PCDHA2: variants seen among roughly 807,000 people sequenced by gnomAD.
PCDHA2 encodes the protein protocadherin alpha-2.
In PCDHA2, 58 loss-of-function variants were observed where a neutral mutation model predicts 66.0. The ratio of observed to expected loss-of-function variants is 0.88; its 90% CI spans 0.71 to 1.09. The LOEUF is 1.09. Among genes scored for constraint, PCDHA2 ranks in the 50% least tolerant of loss-of-function variants. PCDHA2 has a pLI of 0.00. For synonymous variants in PCDHA2, 634 were observed against 554.0 expected, an observed-to-expected ratio of 1.14 and a Z score of -2.03; for missense variants, 1,267 against 1,242.3, an observed-to-expected ratio of 1.02 and a Z score of -0.30.
intron 1 of PCDHA2, chr5:140,811,408 T>C (rs1764861885): frequency 6.6e-6 from 1 of 152,244 alleles, no homozygotes; most frequent in Non-Finnish European, 1.5e-5. Context: ...CGGTCTATCA[T>C]TGATGGACAT....
At chr5:140,858,849 A>G (rs2045624236) in intron 1 of PCDHA2, 2 of 285,640 alleles carry the variant, frequency 7.0e-6, no homozygotes, top group Admixed American at 5.1e-5. Context: ...CCACTGATCT[A>G]TATCTCTTCA....
intron 1 of PCDHA2, chr5:140,801,298 C>T (rs782102566): frequency 6.2e-7 from 1 of 1,613,480 alleles, no homozygotes; most frequent in East Asian, 2.2e-5. Context: ...CTCCACTACT[C>T]CGTCTCTGAG....
intron 1 of PCDHA2, chr5:140,808,232 G>C (rs1554124466): frequency 1.2e-6 from 2 of 1,614,122 alleles, no homozygotes; most frequent in Non-Finnish European, 1.7e-6. Context: ...TAATGTCCCA[G>C]ATTTGGAATT....
chr5:140,910,972 G>T (rs533796834), intron 1 of PCDHA2, among the ~76,000 whole-genome samples: 1 of 152,124 alleles, frequency 6.6e-6, no homozygotes, highest in African/African-American at 2.4e-5. Flanking sequence ...CCTCCTCATG[G>T]GTTATACTCT....
intron 1 of PCDHA2, chr5:140,808,489 G>T: frequency 2.5e-6 from 4 of 1,614,158 alleles, no homozygotes; most frequent in East Asian, 2.2e-5. Context: ...GCTCGCCTTC[G>T]CTGTGGGCCA....
intron 1 of PCDHA2, among the ~76,000 whole-genome samples, chr5:140,838,141 T>G (rs1229796880): frequency 6.7e-6 from 1 of 149,692 alleles, no homozygotes; most frequent in African/African-American, 2.5e-5. Context: ...TTTGACAGAG[T>G]TTTACTCTGT....
chr5:140,983,526 A>G (rs1421450953), intron 3 of PCDHA2, among the ~76,000 whole-genome samples: 3 of 152,230 alleles, frequency 2.0e-5, no homozygotes, highest in Admixed American at 2.0e-4. Flanking sequence ...TGCCAAGTAC[A>G]TTGTATGTGT....
chr5:140,963,977 C>A (rs1311264244), intron 1 of PCDHA2, among the ~76,000 whole-genome samples: 1 of 152,164 alleles, frequency 6.6e-6, no homozygotes, highest in Non-Finnish European at 1.5e-5. Flanking sequence ...ACTCCAAAGT[C>A]TATATTCCTA....
intron 1 of PCDHA2, chr5:140,835,530 G>A (rs140697336): frequency 4.3e-6 from 7 of 1,613,820 alleles, no homozygotes; most frequent in Admixed American, 1.7e-5. Flanking sequence ...TGGAGTCAAC[G>A]GACAGGTTAC....
intron 1 of PCDHA2, among the ~76,000 whole-genome samples, chr5:140,975,701 T>A (rs2153808072): frequency 6.6e-6 from 1 of 152,358 alleles, no homozygotes; most frequent in East Asian, 1.9e-4. Flanking sequence ...AAACTTATTT[T>A]ACTTTAAATC....
chr5:140,889,434 G>T (rs1349291699), intron 1 of PCDHA2, among the ~76,000 whole-genome samples: 1 of 151,774 alleles, frequency 6.6e-6, no homozygotes, highest in African/African-American at 2.4e-5. Context: ...ATTTTTTCAG[G>T]TATTTTCCTG....
rs782141223 is a variant in PCDHA2, at chr5:140,929,191, AAC to A, written c.2389-49756_2389-49755del. On this transcript the variant is annotated intron_variant, in intron 1 of 3. Transcript: ENST00000526136. ...CTCTCTGGGACTTGGTTCTGATAAT[AAC>A]AGTTTGCTGTTGCGTGGGGAGTACA... is the stretch of plus-strand genomic sequence containing the variant. 3.1e-6 allele frequency: 5 copies of A among 1,614,000 alleles called. No homozygotes were observed. In the African/African-American group the frequency reaches 6.7e-5, roughly 22 times the overall value.
intron 3 of PCDHA2, among the ~76,000 whole-genome samples, chr5:141,000,417 A>T (rs1334137638): frequency 1.8e-3 from 141 of 77,654 alleles, no homozygotes; most frequent in African/African-American, 4.6e-3. Context: ...ATATATATAT[A>T]TATATTTTTT....
chr5:140,828,741 G>T, intron 1 of PCDHA2: 1 of 1,614,220 alleles, frequency 6.2e-7, no homozygotes, highest in Non-Finnish European at 8.5e-7. Context: ...GCCACAGATG[G>T]GGGCAAACCT....
At chr5:140,987,480 A>C (rs1489888830) in intron 3 of PCDHA2, among the ~76,000 whole-genome samples, 2 of 152,192 alleles carry the variant, frequency 1.3e-5, no homozygotes, top group African/African-American at 4.8e-5. Flanking sequence ...CTTGGGAGTC[A>C]GTGACCCTTT....
chr5:140,994,667 T>G (rs2097644091), intron 3 of PCDHA2, among the ~76,000 whole-genome samples: 1 of 152,140 alleles, frequency 6.6e-6, no homozygotes, highest in Non-Finnish European at 1.5e-5. Flanking sequence ...ATCACACTAC[T>G]GCACTCCAGC....
intron 3 of PCDHA2, among the ~76,000 whole-genome samples, chr5:140,997,807 G>A (rs557351308): frequency 4.5e-4 from 68 of 152,118 alleles, no homozygotes; most frequent in African/African-American, 1.5e-3. Context: ...CCAATTTGCT[G>A]TTGGTATCTA....
At chr5:140,828,466 C>T in intron 1 of PCDHA2, 2 of 1,614,242 alleles carry the variant, frequency 1.2e-6, no homozygotes, top group East Asian at 2.2e-5. Flanking sequence ...AGGTGAGGGA[C>T]ATTAACGACA....
intron 1 of PCDHA2, among the ~76,000 whole-genome samples, chr5:140,915,582 G>A (rs991142864): frequency 2.6e-5 from 4 of 152,056 alleles, no homozygotes; most frequent in South Asian, 4.1e-4. Flanking sequence ...CCAGGCAAAA[G>A]CACTTGTTCT....
Sources: allele counts gnomAD v4.1 joint callset (sites outside exome capture counted in the v4.1 genomes callset), GRCh38; gene constraint gnomAD v4.1.1; transcripts MANE v1.5; gene names NCBI Gene and HGNC (gene_info 2026-07-23, HGNC 2026-07-21).